The following FLT3 variants were observed in gnomAD, a reference collection of about 807,000 sequenced individuals.
FLT3 encodes the protein receptor-type tyrosine-protein kinase FLT3.
In FLT3, 46 loss-of-function variants were observed where a neutral mutation model predicts 126.6. That is an observed-to-expected ratio of 0.36 (90% confidence interval 0.29 to 0.46). The LOEUF is 0.46. Among genes scored for constraint, FLT3 ranks in the 20% least tolerant of loss-of-function variants. The pLI is 1.00. For missense variants in FLT3, 1,069 were observed against 1,190.3 expected (o/e 0.90, Z 1.50); for synonymous variants, 404 against 434.4 (o/e 0.93, Z 0.87).
chr13:28,036,517 A>C (rs1873852283), intron 10 of FLT3, among the ~76,000 whole-genome samples: 1 of 152,248 alleles, frequency 6.6e-6, no homozygotes, highest in South Asian at 2.1e-4. Context: ...TTGTTTTATA[A>C]GCCAAAGAAA....
chr13:28,024,092 A>G (rs1343428833), intron 18 of FLT3, among the ~76,000 whole-genome samples: 1 of 149,414 alleles, frequency 6.7e-6, no homozygotes, highest in Non-Finnish European at 1.5e-5. Flanking sequence ...TATATTGTGC[A>G]TTTTATATTC....
intron 5 of FLT3, among the ~76,000 whole-genome samples, chr13:28,052,297 T>C (rs1331058399): frequency 1.3e-5 from 2 of 151,614 alleles, no homozygotes; most frequent in East Asian, 3.9e-4. Flanking sequence ...GGTTTCACCA[T>C]GTTGGCCAGG....
chr13:28,043,355 T>C (rs145596818), intron 9 of FLT3, among the ~76,000 whole-genome samples: 17 of 152,184 alleles, frequency 1.1e-4, no homozygotes, highest in African/African-American at 2.9e-4. Context: ...TAATAAAACA[T>C]AAAGGCAAGC....
chr13:28,034,658 C>T (rs992665974), intron 12 of FLT3, among the ~76,000 whole-genome samples: 23 of 152,246 alleles, frequency 1.5e-4, no homozygotes, highest in African/African-American at 5.5e-4. Flanking sequence ...GGTAAATTTA[C>T]AAGAATTACA....
chr13:28,051,563 G>T (rs1253366736), intron 5 of FLT3, among the ~76,000 whole-genome samples: 372 of 63,002 alleles, frequency 5.9e-3, no homozygotes, highest in Middle Eastern at 0.033. Context: ...TTTTTTTTTT[G>T]AGATGGAGTC....
intron 1 of FLT3, among the ~76,000 whole-genome samples, chr13:28,086,619 CGTGTGTGTGTGTGTGTGT>C (rs35797346): frequency 5.2e-5 from 7 of 134,726 alleles, no homozygotes; most frequent in East Asian, 4.3e-4. Context: ...CTGAAGAACT[CGTGTGTGTGTGTGTGTGT>C]GTGTGTGTGT....
rs140784892 is a variant in FLT3, at chr13:28,033,975, T to C, written c.1854A>G (p.Ser618=). 1.2e-6 allele frequency: 2 copies of C among 1,614,134 alleles called. No individual in the cohort carries two copies. The highest frequency in any genetic ancestry group is 1.7e-6 in the Non-Finnish European group (2 of 1,179,962). The change falls in exon 15 of 24, where the codon TCA becomes TCG. Residue 618 remains serine, a synonymous_variant. Transcript: ENST00000241453. ...CGTTCATCACTTTTCCAAAAGCACC[T>C]GATCCTAGTACCTTCCCTGCAAAGA... ...ENLEFGKVLG[S]GAFGKVMNAT... is the part of the protein sequence containing the mutation.
intron 20 of FLT3, among the ~76,000 whole-genome samples, chr13:28,016,331 C>T (rs529376292): frequency 3.3e-5 from 5 of 151,844 alleles, no homozygotes; most frequent in East Asian, 1.9e-4. Context: ...AGTGCAATGG[C>T]GCTATCTCAG....
chr13:28,038,795 A>C (rs933811341), intron 9 of FLT3, among the ~76,000 whole-genome samples: 6 of 152,120 alleles, frequency 3.9e-5, no homozygotes, highest in Non-Finnish European at 8.8e-5. Flanking sequence ...CCTGCCTGGC[A>C]GGTTAGGAAG....
chr13:28,086,619 CGTGTGTGTGT>C (rs35797346), intron 1 of FLT3, among the ~76,000 whole-genome samples: 44 of 134,830 alleles, frequency 3.3e-4, no homozygotes, highest in African/African-American at 6.3e-4. Context: ...CTGAAGAACT[CGTGTGTGTGT>C]GTGTGTGTGT....
chr13:28,031,987 G>A (rs1873389789), intron 15 of FLT3, among the ~76,000 whole-genome samples: 1 of 152,182 alleles, frequency 6.6e-6, no homozygotes. Flanking sequence ...TAGAGTGGTG[G>A]TCATAGAGAT....
At chr13:28,054,709 G>C (rs944845019) in intron 4 of FLT3, among the ~76,000 whole-genome samples, 12 of 152,158 alleles carry the variant, frequency 7.9e-5, no homozygotes, top group Non-Finnish European at 1.3e-4. Context: ...CTTGCTTCCG[G>C]GAACACATTA....
chr13:28,077,320 C>T lies in FLT3; in HGVS notation c.44-6708G>A, dbSNP rs1364456285. Among the ~76,000 whole-genome samples, 5 of 152,220 alleles carry T rather than the reference C, an allele frequency of 3.3e-5. No individual in the cohort carries two copies. In the East Asian group the frequency reaches 9.7e-4, roughly 29 times the overall value. On this transcript the variant is annotated intron_variant, in intron 1 of 23. Coordinates refer to ENST00000241453, the MANE Select transcript of FLT3 (RefSeq NM_004119.3). ...AGAAAAAGAGGTTTAATTGGATTTACAGCTCCACATGGCTGGGGAGGTTTC... is the reference window on the plus strand; with the variant it reads ...AGAAAAAGAGGTTTAATTGGATTTATAGCTCCACATGGCTGGGGAGGTTTC...
chr13:28,006,306 TTGTGTGTGTGTGTGTG>T (rs4002773), intron 23 of FLT3, among the ~76,000 whole-genome samples: 5 of 146,994 alleles, frequency 3.4e-5, no homozygotes, highest in Admixed American at 6.8e-5. Flanking sequence ...TTCTAGAAAA[TTGTGTGTGTGTGTGTG>T]TGTGTGTGTG....
At position 28,018,443 on chromosome 13, in the gene FLT3, A is replaced by G. The variant is rs764776316; in HGVS notation, c.2541+24T>C. 3 of 1,613,236 alleles carry G rather than the reference A, an allele frequency of 1.9e-6. No homozygotes were observed. In the South Asian group the frequency reaches 3.3e-5, roughly 18 times the overall value. On this transcript the variant is annotated intron_variant, in intron 20 of 23. Transcript: ENST00000241453. The stretch of plus-strand genomic sequence containing the variant: ...CACAACACAAAATAGCCGTATAAAA[A>G]TAAGTAGGAAATAGCAGCCTCACAT...
At chr13:28,041,461 T>C (rs7334180) in intron 9 of FLT3, among the ~76,000 whole-genome samples, 111,926 of 151,558 alleles carry the variant, frequency 0.74, 41,415 homozygotes, top group South Asian at 0.86. Flanking sequence ...TTCCTCAGTC[T>C]TTTGTGCTGT....
chr13:28,036,455 T>A (rs1873847136), intron 10 of FLT3, among the ~76,000 whole-genome samples: 1 of 152,208 alleles, frequency 6.6e-6, no homozygotes, highest in South Asian at 2.1e-4. Flanking sequence ...GACCTCCACC[T>A]GTTTGCATGC....
chr13:28,020,012 C>A (rs543469414), intron 19 of FLT3, among the ~76,000 whole-genome samples: 1 of 152,196 alleles, frequency 6.6e-6, no homozygotes, highest in Non-Finnish European at 1.5e-5. Flanking sequence ...GAGCTTCAGA[C>A]AGGAGAAGTG....
intron 23 of FLT3, among the ~76,000 whole-genome samples, chr13:28,006,306 T>TTATGTGTGTGTGTG (rs375433153): frequency 1.5e-4 from 22 of 147,094 alleles, no homozygotes; most frequent in African/African-American, 5.2e-4. Flanking sequence ...TTCTAGAAAA[T>TTATGTGTGTGTGTG]TGTGTGTGTG....
Sources: gnomAD v4.1 joint callset for allele counts (sites outside exome capture counted in the v4.1 genomes callset) on GRCh38, gnomAD v4.1.1 for gene constraint, MANE v1.5 for transcripts, NCBI Gene and HGNC (gene_info 2026-07-23, HGNC 2026-07-21) for gene names.